CRPPA: variants seen among roughly 807,000 people sequenced by gnomAD.
CRPPA encodes CDP-L-ribitol pyrophosphorylase A, also known as D-ribitol-5-phosphate cytidylyltransferase.
CRPPA carries 43 observed loss-of-function variants against 52.0 expected under a neutral mutation model. The observed-to-expected ratio is 0.83, with a 90% CI of 0.65 to 1.07. The LOEUF is 1.07. Ranked by LOEUF, CRPPA falls within the 50% of genes least tolerant of loss-of-function variation. The pLI is 0.00. For missense variants in CRPPA, 629 were observed against 551.7 expected, an observed-to-expected ratio of 1.14 and a Z score of -1.40; for synonymous variants, 250 against 203.5, an observed-to-expected ratio of 1.23 and a Z score of -1.94.
At chr7:16,356,206 T>A (rs1436671082) in intron 3 of CRPPA, among the ~76,000 whole-genome samples, 1 of 152,204 alleles carries the variant, frequency 6.6e-6, no homozygotes, top group Non-Finnish European at 1.5e-5. Context: ...AATAAAATTA[T>A]TAACATGTAA....
chr7:16,171,990 A>G (rs1781196960), intron 9 of CRPPA, among the ~76,000 whole-genome samples: 1 of 152,038 alleles, frequency 6.6e-6, no homozygotes, highest in African/African-American at 2.4e-5. Context: ...AAGTAGCTAT[A>G]TTTTTCCTCA....
intron 9 of CRPPA, among the ~76,000 whole-genome samples, chr7:16,092,830 A>T (rs527812531): frequency 6.6e-6 from 1 of 152,252 alleles, no homozygotes; most frequent in Non-Finnish European, 1.5e-5. Flanking sequence ...TCTTCTTGAT[A>T]TTCCCCTAAA....
At chr7:16,096,876 G>T (rs1397411674) in intron 9 of CRPPA, among the ~76,000 whole-genome samples, 4 of 152,150 alleles carry the variant, frequency 2.6e-5, no homozygotes, top group African/African-American at 9.6e-5. Context: ...CATGTTGACA[G>T]AAGTTATTTT....
intron 9 of CRPPA, among the ~76,000 whole-genome samples, chr7:16,195,349 C>T (rs758715722): frequency 3.3e-5 from 5 of 152,090 alleles, no homozygotes; most frequent in Non-Finnish European, 5.9e-5. Flanking sequence ...TAAGTTGACT[C>T]ACTCTCTTAA....
intron 1 of CRPPA, among the ~76,000 whole-genome samples, chr7:16,417,442 A>G (rs1390596406): frequency 6.6e-6 from 1 of 152,226 alleles, no homozygotes; most frequent in Non-Finnish European, 1.5e-5. Flanking sequence ...CGTATACACT[A>G]TGGAATACTA....
At chr7:16,093,493 C>T (rs772157085) in intron 9 of CRPPA, among the ~76,000 whole-genome samples, 19 of 152,254 alleles carry the variant, frequency 1.2e-4, no homozygotes, top group South Asian at 4.2e-4. Context: ...TTAAAGTGCT[C>T]TTTTCTATCA....
At chr7:16,399,601 C>T (rs576152010) in intron 2 of CRPPA, among the ~76,000 whole-genome samples, 1 of 152,138 alleles carries the variant, frequency 6.6e-6, no homozygotes, top group Admixed American at 6.5e-5. Context: ...ACACGATTGG[C>T]ATGTGTCCAA....
At chr7:16,274,197 C>G (rs1279933716) in intron 6 of CRPPA, among the ~76,000 whole-genome samples, 4 of 152,000 alleles carry the variant, frequency 2.6e-5, no homozygotes, top group Admixed American at 2.6e-4. Context: ...CTACAGATGC[C>G]CACCACCACG....
At chr7:16,279,986 G>A (rs976342319) in intron 5 of CRPPA, among the ~76,000 whole-genome samples, 9 of 152,308 alleles carry the variant, frequency 5.9e-5, no homozygotes, top group African/African-American at 1.9e-4. Flanking sequence ...GCAGACATGC[G>A]TCTGCTTATG....
chr7:16,136,116 ATAC>A (rs1782757351), intron 9 of CRPPA, among the ~76,000 whole-genome samples: 3 of 152,204 alleles, frequency 2.0e-5, no homozygotes, highest in Admixed American at 1.3e-4. Flanking sequence ...CAATTGTGTA[ATAC>A]TTGAAACCAA....
At chr7:16,159,918 T>C (rs1269091644) in intron 9 of CRPPA, among the ~76,000 whole-genome samples, 5 of 152,140 alleles carry the variant, frequency 3.3e-5, no homozygotes, top group African/African-American at 1.2e-4. Flanking sequence ...TGGTTTTGAT[T>C]TGCATTTCTA....
chr7:16,119,908 A>T lies in CRPPA; in HGVS notation c.1252-28109T>A, dbSNP rs749781896. 1.1e-4 allele frequency among the ~76,000 whole-genome samples: 16 copies of T among 152,204 alleles called. 1 individual carries two copies. The highest frequency in any genetic ancestry group is 2.1e-4 in the Non-Finnish European group (14 of 68,034). On this transcript the variant is annotated intron_variant, in intron 9 of 9. Transcript: ENST00000407010. Reference sequence around the variant, plus strand: ...ACGTGGAAAAGAGTCATTTGCAAATAAAAGGTGTTTAAATCCTTAGAAGTG... The same window carrying T: ...ACGTGGAAAAGAGTCATTTGCAAATTAAAGGTGTTTAAATCCTTAGAAGTG...
At chr7:16,282,819 G>C (rs554181289) in intron 5 of CRPPA, among the ~76,000 whole-genome samples, 7 of 152,082 alleles carry the variant, frequency 4.6e-5, no homozygotes, top group African/African-American at 1.7e-4. Context: ...TCAGCTATTT[G>C]CATTCCACAG....
At chr7:16,385,423 C>G (rs1202695240) in intron 2 of CRPPA, among the ~76,000 whole-genome samples, 1 of 152,082 alleles carries the variant, frequency 6.6e-6, no homozygotes, top group Non-Finnish European at 1.5e-5. Context: ...AAATGATTAG[C>G]AAGAGAACAT....
At chr7:16,356,923 G>A (rs563026194) in intron 3 of CRPPA, among the ~76,000 whole-genome samples, 3 of 152,238 alleles carry the variant, frequency 2.0e-5, no homozygotes, top group Middle Eastern at 3.4e-3. Flanking sequence ...CTGAGAAGTG[G>A]TCTTCACTCC....
intron 5 of CRPPA, among the ~76,000 whole-genome samples, chr7:16,279,418 A>G (rs943816265): frequency 7.2e-5 from 11 of 152,194 alleles, no homozygotes; most frequent in Non-Finnish European, 1.6e-4. Context: ...ATCATTCTGA[A>G]TCTATGTAAC....
At chr7:16,113,597 A>G (rs1467649216) in intron 9 of CRPPA, among the ~76,000 whole-genome samples, 1 of 152,064 alleles carries the variant, frequency 6.6e-6, no homozygotes, top group Non-Finnish European at 1.5e-5. Context: ...TTAGCCTGGC[A>G]GCGTCTCTCC....
At chr7:16,119,245 G>A (rs115485759) in intron 9 of CRPPA, among the ~76,000 whole-genome samples, 59 of 152,190 alleles carry the variant, frequency 3.9e-4, no homozygotes, top group African/African-American at 1.1e-3. Flanking sequence ...TGTGCCCTCC[G>A]TATCATGTGG....
chr7:16,394,963 G>A (rs1487564150), intron 2 of CRPPA, among the ~76,000 whole-genome samples: 1 of 152,134 alleles, frequency 6.6e-6, no homozygotes, highest in Admixed American at 6.6e-5. Context: ...AGAGACTTCT[G>A]TTCACAAACA....
Sources: allele counts gnomAD v4.1 joint callset (sites outside exome capture counted in the v4.1 genomes callset), GRCh38; gene constraint gnomAD v4.1.1; transcripts MANE v1.5; gene names NCBI Gene and HGNC (gene_info 2026-07-23, HGNC 2026-07-21).